ARHGAP24: variants seen among roughly 807,000 people sequenced by gnomAD.
ARHGAP24 encodes Rho GTPase activating protein 24.
A neutral mutation model predicts 76.4 loss-of-function variants in ARHGAP24; 50 were observed. That is an observed-to-expected ratio of 0.65 (90% confidence interval 0.52 to 0.83). ARHGAP24 has a LOEUF of 0.83. Among genes scored for constraint, ARHGAP24 ranks in the 40% least tolerant of loss-of-function variants. The pLI is 0.00. For synonymous variants in ARHGAP24, 345 were observed against 323.3 expected, an observed-to-expected ratio of 1.07 and a Z score of -0.72; for missense variants, 930 against 914.2, an observed-to-expected ratio of 1.02 and a Z score of -0.22.
chr4:85,627,928 G>A lies in ARHGAP24; in HGVS notation c.180+57207G>A, dbSNP rs567993431. Among the ~76,000 whole-genome samples the A allele has an allele frequency of 3.9e-5, 6 of 152,260 alleles. No homozygotes were observed. The South Asian group carries it at 1.0e-3, about 26-fold the overall frequency. ...GCCGTTTTTTAAGCCCATTGGAAAA[G>A]CGCAGTATTAGGGTGGGAGTGACCC... is the stretch of plus-strand genomic sequence containing the variant. On this transcript the variant is annotated intron_variant, in intron 2 of 9. Coordinates refer to ENST00000395184, the MANE Select transcript of ARHGAP24 (RefSeq NM_001025616.3).
intron 4 of ARHGAP24, among the ~76,000 whole-genome samples, chr4:85,935,494 A>G (rs1360930656): frequency 6.6e-6 from 1 of 152,240 alleles, no homozygotes; most frequent in African/African-American, 2.4e-5. Context: ...ATTTTCTCCC[A>G]TGTGATACTA....
At chr4:85,802,302 T>C (rs573583366) in intron 3 of ARHGAP24, among the ~76,000 whole-genome samples, 16 of 152,302 alleles carry the variant, frequency 1.1e-4, no homozygotes, top group African/African-American at 3.6e-4. Flanking sequence ...AATTTCTCAA[T>C]GAAGATAGCA....
intron 2 of ARHGAP24, among the ~76,000 whole-genome samples, chr4:85,639,679 C>G (rs1721450784): frequency 7.0e-6 from 1 of 142,318 alleles, no homozygotes; most frequent in African/African-American, 2.6e-5. Flanking sequence ...ATATGTGTGT[C>G]TATTTATTGG....
chr4:85,845,162 G>C (rs1270843602), intron 3 of ARHGAP24, among the ~76,000 whole-genome samples: 2 of 152,104 alleles, frequency 1.3e-5, no homozygotes, highest in African/African-American at 4.8e-5. Flanking sequence ...GGACAATAAA[G>C]GAAGGTATTT....
At chr4:85,929,061 A>G (rs1736174601) in intron 4 of ARHGAP24, among the ~76,000 whole-genome samples, 1 of 152,162 alleles carries the variant, frequency 6.6e-6, no homozygotes, top group African/African-American at 2.4e-5. Context: ...TTAGAAGAAA[A>G]AAATGCTTTC....
rs542398060 is a variant in ARHGAP24, at chr4:85,619,748, G to A, written c.180+49027G>A. The stretch of plus-strand genomic sequence containing the variant: ...ATTCCTTCCTTGATTTCTTTTTTCC[G>A]GTAGTTTATTGTTAGTGTATAGAAA... On this transcript the variant is annotated intron_variant, in intron 2 of 9. Transcript: ENST00000395184. 2.8e-3 allele frequency among the ~76,000 whole-genome samples: 428 copies of A among 151,702 alleles called. 3 individuals are homozygous for A. The highest frequency in any genetic ancestry group is 4.0e-3 in the Non-Finnish European group (272 of 67,766).
intron 3 of ARHGAP24, among the ~76,000 whole-genome samples, chr4:85,886,376 A>G (rs1017590244): frequency 6.6e-6 from 1 of 152,130 alleles, no homozygotes; most frequent in Non-Finnish European, 1.5e-5. Context: ...ATTTTCAGTT[A>G]TCACCCTGCC....
chr4:85,660,580 G>A (rs866895290), intron 2 of ARHGAP24, among the ~76,000 whole-genome samples: 28 of 151,902 alleles, frequency 1.8e-4, no homozygotes, highest in South Asian at 8.3e-4. Flanking sequence ...GGTGGATCAC[G>A]AGGTCAGGAG....
chr4:85,626,870 G>C lies in ARHGAP24; in HGVS notation c.180+56149G>C, dbSNP rs564305637. 4.6e-5 allele frequency among the ~76,000 whole-genome samples: 7 copies of C among 152,148 alleles called. No individual in the cohort carries two copies. In the East Asian group the frequency reaches 1.4e-3, roughly 29 times the overall value. On this transcript the variant is annotated intron_variant, in intron 2 of 9. Coordinates refer to ENST00000395184, the MANE Select transcript of ARHGAP24 (RefSeq NM_001025616.3). Reference sequence around the variant, plus strand: ...CTCTTTCTTCTAGTTGATCGCATCGGCTACTGAGGCTTCTGCATTTGTCAT... The same window carrying C: ...CTCTTTCTTCTAGTTGATCGCATCGCCTACTGAGGCTTCTGCATTTGTCAT...
chr4:85,841,457 GAACTT>G (rs1730592158), intron 3 of ARHGAP24, among the ~76,000 whole-genome samples: 1 of 152,132 alleles, frequency 6.6e-6, no homozygotes, highest in African/African-American at 2.4e-5. Flanking sequence ...GGGAATTGTA[GAACTT>G]AACTTATAGT....
At chr4:85,967,160 G>A (rs1240021980) in intron 5 of ARHGAP24, among the ~76,000 whole-genome samples, 1 of 152,080 alleles carries the variant, frequency 6.6e-6, no homozygotes, top group East Asian at 1.9e-4. Context: ...AAGTAGGACA[G>A]ATAATTTCCA....
intron 3 of ARHGAP24, among the ~76,000 whole-genome samples, chr4:85,811,326 A>G (rs78942002): frequency 6.6e-6 from 1 of 152,210 alleles, no homozygotes; most frequent in Non-Finnish European, 1.5e-5. Flanking sequence ...CCTTCTCTTT[A>G]GTAAATGTTT....
At chr4:85,650,103 T>G (rs1721879923) in intron 2 of ARHGAP24, among the ~76,000 whole-genome samples, 1 of 152,136 alleles carries the variant, frequency 6.6e-6, no homozygotes, top group African/African-American at 2.4e-5. Flanking sequence ...CGGTGTAAAT[T>G]TAAGAAGTAC....
intron 2 of ARHGAP24, among the ~76,000 whole-genome samples, chr4:85,583,146 A>G (rs1187962915): frequency 6.6e-6 from 1 of 152,196 alleles, no homozygotes; most frequent in Non-Finnish European, 1.5e-5. Flanking sequence ...TAAAATAACA[A>G]GTTTTCTTGT....
At chr4:85,698,824 C>T (rs1723965148) in intron 2 of ARHGAP24, among the ~76,000 whole-genome samples, 3 of 152,228 alleles carry the variant, frequency 2.0e-5, no homozygotes, top group African/African-American at 2.4e-5. Flanking sequence ...AGTTGTAACC[C>T]CAATGCTGGA....
chr4:85,724,242 C>T (rs1725070511), intron 3 of ARHGAP24, among the ~76,000 whole-genome samples: 2 of 152,036 alleles, frequency 1.3e-5, no homozygotes, highest in Non-Finnish European at 2.9e-5. Context: ...GCTTACAAAC[C>T]CAACAAGTGT....
At chr4:85,483,873 C>T (rs140981173) in intron 1 of ARHGAP24, among the ~76,000 whole-genome samples, 7 of 152,288 alleles carry the variant, frequency 4.6e-5, no homozygotes, top group African/African-American at 1.7e-4. Context: ...CCAGGACCAG[C>T]CACTGCCTTT....
At chr4:85,670,206 A>G (rs977207805) in intron 2 of ARHGAP24, among the ~76,000 whole-genome samples, 7 of 152,174 alleles carry the variant, frequency 4.6e-5, no homozygotes, top group African/African-American at 1.4e-4. Flanking sequence ...GCCAGCAAAG[A>G]CAGAAAAGGA....
At chr4:85,584,378 G>T (rs1015975545) in intron 2 of ARHGAP24, among the ~76,000 whole-genome samples, 4 of 149,146 alleles carry the variant, frequency 2.7e-5, no homozygotes, top group African/African-American at 9.9e-5. Flanking sequence ...ACTCATAGAT[G>T]CAAATTGAAC....
Sources: gnomAD v4.1 joint callset for allele counts (sites outside exome capture counted in the v4.1 genomes callset) on GRCh38, gnomAD v4.1.1 for gene constraint, MANE v1.5 for transcripts, NCBI Gene and HGNC (gene_info 2026-07-23, HGNC 2026-07-21) for gene names.